LY75: variants seen among roughly 807,000 people sequenced by gnomAD.
LY75 encodes lymphocyte antigen 75.
In LY75, 185 loss-of-function variants were observed where a neutral mutation model predicts 231.7. The observed-to-expected ratio is 0.80, with a 90% CI of 0.71 to 0.90. The LOEUF (loss-of-function observed/expected upper bound fraction) is 0.90. LY75 is among the 40% of genes least tolerant of loss of function. LY75 has a pLI of 0.00. For missense variants in LY75, 1,947 were observed against 2,050.2 expected, an observed-to-expected ratio of 0.95 and a Z score of 0.97; for synonymous variants, 668 against 689.0, an observed-to-expected ratio of 0.97 and a Z score of 0.48.
intron 12 of LY75, among the ~76,000 whole-genome samples, chr2:159,874,748 T>C (rs1168966616): frequency 2.7e-5 from 1 of 36,706 alleles, no homozygotes; most frequent in South Asian, 8.9e-4. Context: ...TAAATATATA[T>C]ATTTTGTAAA....
In LY75 at chr2:159,864,443, C is replaced by A. The variant is rs545749692; in HGVS notation, c.2199+396G>T. On this transcript the variant is annotated intron_variant, in intron 14 of 34. Coordinates refer to ENST00000263636, the MANE Select transcript of LY75 (RefSeq NM_002349.4). ...ATGGTATGAGATAAGGGTTTAATCT[C>A]ATTTTTCTGCATGTGGAAATCCAGT... is the stretch of plus-strand genomic sequence containing the variant. 4.6e-5 allele frequency among the ~76,000 whole-genome samples: 7 copies of A among 152,220 alleles called. No homozygotes were observed. In the South Asian group the frequency reaches 1.4e-3, roughly 32 times the overall value.
At chr2:159,844,213 A>AG (rs1684127987) in intron 23 of LY75, among the ~76,000 whole-genome samples, 1 of 152,090 alleles carries the variant, frequency 6.6e-6, no homozygotes, top group Non-Finnish European at 1.5e-5. Flanking sequence ...AATATAATGC[A>AG]GAATAGTAAA....
intron 14 of LY75, among the ~76,000 whole-genome samples, chr2:159,863,555 G>A (rs1684774538): frequency 6.6e-6 from 1 of 152,172 alleles, no homozygotes; most frequent in Admixed American, 6.5e-5. Context: ...GATTAGTGAT[G>A]TTGAGCATTT....
At chr2:159,838,111 C>T (rs556908792) in intron 25 of LY75, among the ~76,000 whole-genome samples, 7 of 152,324 alleles carry the variant, frequency 4.6e-5, no homozygotes, top group African/African-American at 1.7e-4. Context: ...ACTGCTCTCC[C>T]TCTCTCCAGC....
At chr2:159,860,518 ACCTCTT>A (rs1376583786) in intron 15 of LY75, among the ~76,000 whole-genome samples, 1 of 151,834 alleles carries the variant, frequency 6.6e-6, no homozygotes, top group East Asian at 1.9e-4. Flanking sequence ...TTCAAGTCCC[ACCTCTT>A]CCTGGGAAAT....
chr2:159,875,791 A>C, intron 11 of LY75, 148 bp from the exon 12 acceptor site: 1 of 996,286 alleles, frequency 1.0e-6, no homozygotes, highest in Non-Finnish European at 1.4e-6. Context: ...GTTGTTCAGA[A>C]TAATAATGAC....
At position 159,858,374 on chromosome 2, in the gene LY75, G is replaced by A; in HGVS notation, c.2371C>T (p.Gln791Ter). 6.2e-7 allele frequency: 1 copy of A among 1,612,824 alleles called. No homozygotes were observed. Among genetic ancestry groups the A allele is most frequent in the Non-Finnish European group, 8.5e-7 (1 of 1,179,480 alleles). The change falls in exon 16 of 35, where the codon CAA becomes TAA. Residue 791 changes from glutamine to a stop codon, truncating the protein, a stop_gained. Transcript: ENST00000263636. LOFTEE classifies it high-confidence loss of function. ...ACDTKLEWVC[Q>*]IPKGRTPKTP... ...AACTACCACTTACCTTTTGGAATTT[G>A]GCACACCCATTCAAGTTTTGTATCA...
chr2:159,888,529 G>T (rs778514890), intron 4 of LY75, among the ~76,000 whole-genome samples: 3 of 152,158 alleles, frequency 2.0e-5, no homozygotes, highest in Non-Finnish European at 4.4e-5. Flanking sequence ...TGAGGTTGTA[G>T]TAATGATTAA....
At chr2:159,850,798 AT>A (rs1560081050) in intron 21 of LY75, among the ~76,000 whole-genome samples, 7 of 127,390 alleles carry the variant, frequency 5.5e-5, no homozygotes, top group Non-Finnish European at 8.2e-5. Context: ...ATATATATAT[AT>A]TATATCTTAT....
chr2:159,842,368 CA>C lies in LY75; in HGVS notation c.3156del (p.Phe1052LeufsTer11), dbSNP rs1684062421. The C allele has an allele frequency of 6.2e-7, 1 of 1,606,818 alleles. No individual in the cohort carries two copies. The highest frequency in any genetic ancestry group is 8.5e-7 in the Non-Finnish European group (1 of 1,176,238). On this transcript the variant is annotated frameshift_variant, in exon 24 of 35. Coordinates refer to ENST00000263636, the MANE Select transcript of LY75 (RefSeq NM_002349.4). LOFTEE classifies it high-confidence loss of function. ...SGRLRIPENF[F>X]EEESRYHCAL... ...GCACAGTGGTAGCGAGACTCTTCCT[CA>C]AAAAACTAAACAAAAAGGCAAATAC... is the stretch of plus-strand genomic sequence containing the variant.
chr2:159,822,117 A>C (rs1412548889), intron 28 of LY75, among the ~76,000 whole-genome samples: 2 of 152,188 alleles, frequency 1.3e-5, no homozygotes, highest in Non-Finnish European at 2.9e-5. Flanking sequence ...TTGGGCAGAC[A>C]CCAAACTAGC....
At position 159,850,791 on chromosome 2, in the gene LY75, T is replaced by TATATATATATATATATATATATATAAAA. The variant is rs1341394980; in HGVS notation, c.2884-325_2884-324insTTTTATATATATATATATATATATATAT. ...AAACTTTCATATATATATATATATATATATATATTATATCTTATATATAAG... is the reference window on the plus strand; with the variant it reads ...AAACTTTCATATATATATATATATATATATATATATATATATATATATATAAAAATATATATTATATCTTATATATAAG... On this transcript the variant is annotated intron_variant, in intron 21 of 34. Coordinates refer to ENST00000263636, the MANE Select transcript of LY75 (RefSeq NM_002349.4). Among the ~76,000 whole-genome samples the TATATATATATATATATATATATATAAAA allele has an allele frequency of 8.1e-3, 760 of 94,318 alleles. 58 individuals carry two copies. Among genetic ancestry groups the TATATATATATATATATATATATATAAAA allele is most frequent in the Non-Finnish European group, 0.014 (601 of 43,662 alleles). 61.9% of individuals were successfully genotyped at this position (94,318 alleles called of 152,430 possible).
chr2:159,855,431 T>C (rs1574561800), intron 16 of LY75, among the ~76,000 whole-genome samples: 1 of 152,162 alleles, frequency 6.6e-6, no homozygotes, highest in East Asian at 1.9e-4. Flanking sequence ...TTGGAAACAA[T>C]GTACAATGCT....
intron 2 of LY75, among the ~76,000 whole-genome samples, chr2:159,894,436 G>A (rs916831747): frequency 2.0e-5 from 3 of 152,230 alleles, no homozygotes; most frequent in Non-Finnish European, 1.5e-5. Context: ...GCTGTGGGCC[G>A]CAGAGCACTT....
rs574493402 is a variant in LY75 at position 159,855,832 on chromosome 2, C to T, written c.2384-893G>A. 2.0e-5 allele frequency among the ~76,000 whole-genome samples: 3 copies of T among 152,292 alleles called. No homozygotes were observed. In the East Asian group the frequency reaches 5.8e-4, roughly 29 times the overall value. On this transcript the variant is annotated intron_variant, in intron 16 of 34. Transcript: ENST00000263636. Reference sequence around the variant, plus strand: ...CACACTGGCTTCAAGTCAAAGACATCATTTGCTTAATCTTAGAAATTACAG... The same window carrying T: ...CACACTGGCTTCAAGTCAAAGACATTATTTGCTTAATCTTAGAAATTACAG...
Position 159,851,734 on chromosome 2 carries a change from T to G in LY75, c.2883+467A>C, listed in dbSNP as rs572362166. Among the ~76,000 whole-genome samples the G allele has an allele frequency of 5.9e-5, 9 of 152,262 alleles. No individual in the cohort carries two copies. In the East Asian group the frequency reaches 1.7e-3, roughly 29 times the overall value. On this transcript the variant is annotated intron_variant, in intron 21 of 34. Coordinates refer to ENST00000263636, the MANE Select transcript of LY75 (RefSeq NM_002349.4). Reference sequence around the variant, plus strand: ...ACCTATTTAATCATAAAACCCCCATTTGGAGGCAAGATCAATGATTAACAT... The same window carrying G: ...ACCTATTTAATCATAAAACCCCCATGTGGAGGCAAGATCAATGATTAACAT...
intron 13 of LY75, among the ~76,000 whole-genome samples, chr2:159,869,508 G>A (rs1334569942): frequency 2.6e-5 from 4 of 151,998 alleles, no homozygotes; most frequent in African/African-American, 9.7e-5. Context: ...TGAGATGCAG[G>A]GATTAGCTAA....
chr2:159,887,566 C>CAAAAAAAAAAAA (rs369452762), intron 4 of LY75, among the ~76,000 whole-genome samples: 127 of 103,692 alleles, frequency 1.2e-3, no homozygotes, highest in Middle Eastern at 6.0e-3. Flanking sequence ...TCAACAACAA[C>CAAAAAAAAAAAA]AAAAAAAAAA....
intron 13 of LY75, among the ~76,000 whole-genome samples, chr2:159,868,314 T>C (rs1339275359): frequency 6.6e-6 from 1 of 152,168 alleles, no homozygotes; most frequent in Non-Finnish European, 1.5e-5. Context: ...GTTTTCTAAA[T>C]TCAATGTGCA....
Sources: gnomAD v4.1 joint callset for allele counts (sites outside exome capture counted in the v4.1 genomes callset) on GRCh38, gnomAD v4.1.1 for gene constraint, MANE v1.5 for transcripts, NCBI Gene and HGNC (gene_info 2026-07-23, HGNC 2026-07-21) for gene names.